The following POLDIP2 variants were observed in gnomAD, a reference collection of about 807,000 sequenced individuals.
POLDIP2 encodes polymerase delta-interacting protein 2.
A neutral mutation model predicts 52.9 loss-of-function variants in POLDIP2; 32 were observed. The ratio of observed to expected loss-of-function variants is 0.61; its 90% CI spans 0.46 to 0.81. The LOEUF is 0.81. POLDIP2 is among the 40% of genes least tolerant of loss of function. POLDIP2 has a pLI of 0.00. For synonymous variants in POLDIP2, 183 were observed against 183.0 expected, an observed-to-expected ratio of 1.00 and a Z score of 0.00; for missense variants, 371 against 477.3, an observed-to-expected ratio of 0.78 and a Z score of 2.07.
intron 9 of POLDIP2, among the ~76,000 whole-genome samples, chr17:28,349,544 GC>G (rs1907718395): frequency 6.6e-6 from 1 of 151,906 alleles, no homozygotes; most frequent in Non-Finnish European, 1.5e-5. Context: ...GAAAGCTGAG[GC>G]GGAGGATTGC....
At chr17:28,349,256 T>A in intron 9 of POLDIP2, 94 bp from the exon 10 acceptor site, 1 of 833,044 alleles carries the variant, frequency 1.2e-6, no homozygotes, top group Non-Finnish European at 2.0e-6. Context: ...TCATCAAGAC[T>A]GGATGTCCCC....
At chr17:28,349,262 TCCCCTA>T (rs1191017271) in intron 9 of POLDIP2, 100 bp from the exon 10 acceptor site, 1 of 771,854 alleles carries the variant, frequency 1.3e-6, no homozygotes, top group Non-Finnish European at 2.2e-6. Flanking sequence ...AGACTGGATG[TCCCCTA>T]CCCAGCCACC....
intron 5 of POLDIP2, 65 bp downstream of exon 5, chr17:28,353,176 A>G: frequency 2.4e-6 from 2 of 836,242 alleles, no homozygotes; most frequent in South Asian, 2.8e-5. Context: ...AGGACATCAG[A>G]ATCCTCTCCC....
chr17:28,353,685 G>T lies in POLDIP2; in HGVS notation c.438+10C>A. The T allele has an allele frequency of 1.3e-6, 2 of 1,591,602 alleles. No homozygotes were observed. The highest frequency in any genetic ancestry group is 1.7e-6 in the Non-Finnish European group (2 of 1,159,972). On this transcript the variant is annotated intron_variant, in intron 4 of 10. Coordinates refer to ENST00000540200, the MANE Select transcript of POLDIP2 (RefSeq NM_015584.5). ...GAGGACCCCCAAGCCCAGCCATCTT[G>T]CTTACTTACTATATGTGGGCAGTCA...
chr17:28,347,435 T>C lies in POLDIP2; in HGVS notation c.*682A>G, dbSNP rs1283344406. The C allele has an allele frequency of 5.9e-5, 9 of 152,314 alleles. No homozygotes were observed. Among genetic ancestry groups the C allele is most frequent in the East Asian group, 1.9e-4 (1 of 5,192 alleles). The allele number at this position is 152,314 out of a possible 1,614,324, so 9.4% of individuals were successfully genotyped here. A position where few individuals can be genotyped will look rare whatever the true frequency, so the allele number is the denominator to read the frequency against. Reference sequence around the variant, plus strand: ...GTCATGCTGAGGGCTGGCACACCCATTGCTCCAGGAAACCCGACTGGCTTG... The same window carrying C: ...GTCATGCTGAGGGCTGGCACACCCACTGCTCCAGGAAACCCGACTGGCTTG... On this transcript the variant is annotated 3_prime_UTR_variant, in exon 11 of 11. Coordinates refer to ENST00000540200, the MANE Select transcript of POLDIP2 (RefSeq NM_015584.5).
Position 28,354,526 on chromosome 17 carries a change from T to G in POLDIP2, c.303A>C (p.Arg101Ser). 1 of 1,561,708 alleles carries G rather than the reference T, an allele frequency of 6.4e-7. No individual in the cohort carries two copies. Among genetic ancestry groups the G allele is most frequent in the Non-Finnish European group, 8.7e-7 (1 of 1,152,852 alleles). ...CAGAAGCCACATCCCGGTCATACAG[T>G]CTGGCCTGCCAGGGAAACAGGACGA... ...RGVVLFPWQA[R>S]LYDRDVASAA... The change falls in exon 3 of 11, where the codon AGA (arginine) becomes AGC (serine). Residue 101 changes from arginine (R) to serine (S), a missense_variant. Transcript: ENST00000540200.
At chr17:28,351,057 C>T (rs2142395084) in intron 7 of POLDIP2, among the ~76,000 whole-genome samples, 1 of 152,262 alleles carries the variant, frequency 6.6e-6, no homozygotes, top group African/African-American at 2.4e-5. Flanking sequence ...AGTTACAGGG[C>T]TCTTACCTTT....
chr17:28,355,625 A>T (rs1478599235), intron 2 of POLDIP2, among the ~76,000 whole-genome samples, 170 bp downstream of exon 2: 1 of 151,880 alleles, frequency 6.6e-6, no homozygotes, highest in Non-Finnish European at 1.5e-5. Context: ...ATAAATAAAT[A>T]AAATAAATAA....
chr17:28,354,554 C>A lies in POLDIP2; in HGVS notation c.275G>T (p.Gly92Val). 1 of 1,561,712 alleles carries A rather than the reference C, an allele frequency of 6.4e-7. No homozygotes were observed. The highest frequency in any genetic ancestry group is 2.4e-5 in the East Asian group (1 of 41,724). Residue 92 changes from glycine to valine, a missense_variant, in exon 3 of 11, where the codon GGT becomes GTT. Gly to Val is a moderately radical substitution (Grantham distance 109). Coordinates refer to ENST00000540200, the MANE Select transcript of POLDIP2 (RefSeq NM_015584.5). The part of the protein sequence containing the change: ...LFLHSIFGYR[G>V]VVLFPWQARL... The stretch of plus-strand genomic sequence containing the variant: ...GGCCTGCCAGGGAAACAGGACGACA[C>A]CTCGGTAGCCAAAAATGCTATGAAG...
chr17:28,350,668 A>G lies in POLDIP2; in HGVS notation c.786+98T>C, dbSNP rs530769216. 6.6e-5 allele frequency: 103 copies of G among 1,557,096 alleles called. 1 individual carries two copies. In the Admixed American group the frequency reaches 1.7e-3, roughly 26 times the overall value. ...TCAACAAAGCTGACACATGCACTGC[A>G]CAGGTTCCGCTCTCGTCAGAAGGTG... On this transcript the variant is annotated intron_variant, in intron 8 of 10. Transcript: ENST00000540200.
At chr17:28,354,994 A>C (rs1437190894) in intron 2 of POLDIP2, among the ~76,000 whole-genome samples, 2 of 152,200 alleles carry the variant, frequency 1.3e-5, no homozygotes, top group East Asian at 3.9e-4. Context: ...AACAAACAAA[A>C]AGTCTTCCTT....
At chr17:28,350,627 C>A (rs1184365966) in intron 8 of POLDIP2, 64 bp from the exon 9 acceptor site, 3 of 1,591,032 alleles carry the variant, frequency 1.9e-6, no homozygotes, top group African/African-American at 2.7e-5. Flanking sequence ...CCTCAGAATT[C>A]TGTGCAAAGC....
chr17:28,353,129 A>G (rs1355570011), intron 5 of POLDIP2, 110 bp from the exon 6 acceptor site: 1 of 752,314 alleles, frequency 1.3e-6, no homozygotes, highest in African/African-American at 1.7e-5. Flanking sequence ...CCCTGATATC[A>G]TACCTCTCAG....
In POLDIP2 at chr17:28,357,318, G is replaced by C. The variant is rs963234944; in HGVS notation, c.131C>G (p.Thr44Ser). 1 of 1,579,984 alleles carries C rather than the reference G, an allele frequency of 6.3e-7. No homozygotes were observed. Among genetic ancestry groups the C allele is most frequent in the South Asian group, 1.1e-5 (1 of 89,236 alleles). ...AGAGAFSPAS[T>S]TTTRRHLSSR... ...CGAGAGGTGCCTCCGCGTCGTCGTG[G>C]TCGACGCTGGCGAGAAGGCTCCAGC... is the stretch of plus-strand genomic sequence containing the variant. The change falls in exon 1 of 11, where the codon ACC becomes AGC. Residue 44 changes from threonine (T) to serine (S), a missense_variant. Transcript: ENST00000540200.
chr17:28,350,193 G>A (rs1597799341), intron 9 of POLDIP2, among the ~76,000 whole-genome samples: 2 of 152,144 alleles, frequency 1.3e-5, no homozygotes, highest in Non-Finnish European at 2.9e-5. Flanking sequence ...TTAAATTGAG[G>A]CCCTGCCACT....
At chr17:28,351,098 T>G (rs573955106) in intron 7 of POLDIP2, among the ~76,000 whole-genome samples, 51 of 152,286 alleles carry the variant, frequency 3.3e-4, no homozygotes, top group Non-Finnish European at 6.3e-4. Flanking sequence ...CCCTGCCCCC[T>G]ATCCTTGCTG....
chr17:28,354,660 A>G, intron 2 of POLDIP2, 75 bp from the exon 3 acceptor site: 2 of 953,696 alleles, frequency 2.1e-6, no homozygotes, highest in South Asian at 2.8e-5. Flanking sequence ...CCACAAAGCA[A>G]CACAGGTGGA....
At position 28,357,326 on chromosome 17, in the gene POLDIP2, T is replaced by C. The variant is rs781901807; in HGVS notation, c.123A>G (p.Pro41=). The change falls in exon 1 of 11, where the codon CCA becomes CCG. Residue 41 remains proline (P), a synonymous_variant. Coordinates refer to ENST00000540200, the MANE Select transcript of POLDIP2 (RefSeq NM_015584.5). ...GCCTCCGCGTCGTCGTGGTCGACGCTGGCGAGAAGGCTCCAGCTCCGGCCG... is the reference window on the plus strand; with the variant it reads ...GCCTCCGCGTCGTCGTGGTCGACGCCGGCGAGAAGGCTCCAGCTCCGGCCG... ...CAAAGAGAFS[P]ASTTTTRRHL... is the part of the protein sequence containing the mutation. 5 of 1,579,354 alleles carry C rather than the reference T, an allele frequency of 3.2e-6. No homozygotes were observed. The East Asian group carries it at 1.2e-4, about 37-fold the overall frequency.
chr17:28,352,303 T>C (rs1473628639), intron 6 of POLDIP2, among the ~76,000 whole-genome samples: 2 of 135,510 alleles, frequency 1.5e-5, no homozygotes, highest in African/African-American at 5.6e-5. Flanking sequence ...GGTGGCATGA[T>C]CTCAGCTCAC....
Sources: allele counts gnomAD v4.1 joint callset (sites outside exome capture counted in the v4.1 genomes callset), GRCh38; gene constraint gnomAD v4.1.1; transcripts MANE v1.5; gene names NCBI Gene and HGNC (gene_info 2026-07-23, HGNC 2026-07-21).